PRDM13: variants seen among roughly 807,000 people sequenced by gnomAD.
The protein encoded by PRDM13 is PR/SET domain 13, also known as PR domain zinc finger protein 13.
PRDM13 carries 15 observed loss-of-function variants against 36.4 expected under a neutral mutation model. That is an observed-to-expected ratio of 0.41 (90% CI 0.28 to 0.64). The LOEUF (loss-of-function observed/expected upper bound fraction) is 0.64. Among genes scored for constraint, PRDM13 ranks in the 30% least tolerant of loss-of-function variants. The pLI, the probability that PRDM13 is intolerant of heterozygous loss-of-function variation, is 0.29. For missense variants in PRDM13, 1,044 were observed against 1,013.5 expected (o/e 1.03, Z -0.41); for synonymous variants, 531 against 467.7 (o/e 1.14, Z -1.75).
rs1255979044 is a variant in PRDM13, at chr6:99,614,152, C to T, written c.1517C>T (p.Ala506Val). 2.5e-6 allele frequency: 4 copies of T among 1,600,510 alleles called. No homozygotes were observed. In the African/African-American group the frequency reaches 4.0e-5, roughly 16 times the overall value. Residue 506 changes from alanine to valine, a missense_variant, in exon 4 of 4, where the codon GCC becomes GTC. By Grantham distance (64) the Ala-to-Val change is moderately conservative. This residue lies in a region of PRDM13 where 921 missense variants were observed against 865.2 expected (regional missense o/e 1.06). Transcript: ENST00000369215. ...ISYFSGPAAA[A>V]LSPAELGSLA... is the part of the protein sequence containing the mutation. The stretch of plus-strand genomic sequence containing the variant: ...TACTTCAGCGGGCCTGCAGCGGCCG[C>T]CCTAAGCCCCGCCGAGCTGGGGTCG...
rs1384823796 is a variant in PRDM13, at chr6:99,614,633, G to C, written c.1998G>C (p.Pro666=). 3.1e-6 allele frequency: 5 copies of C among 1,612,322 alleles called. No individual in the cohort carries two copies. Among genetic ancestry groups the C allele is most frequent in the Non-Finnish European group, 4.2e-6 (5 of 1,179,820 alleles). The change falls in exon 4 of 4, where the codon CCG becomes CCC. Residue 666 remains proline (P), a synonymous_variant. Transcript: ENST00000369215. The part of the protein sequence containing the change: ...QSLLAKAGDG[P]GAEPGYPPEP... The stretch of plus-strand genomic sequence containing the variant: ...TGCTCGCCAAAGCGGGCGACGGCCC[G>C]GGTGCCGAGCCCGGCTATCCCCCGG...
chr6:99,613,185 G>A lies in PRDM13; in HGVS notation c.550G>A (p.Ala184Thr), dbSNP rs752718064. 3 of 1,612,582 alleles carry A rather than the reference G, an allele frequency of 1.9e-6. No homozygotes were observed. Among genetic ancestry groups the A allele is most frequent in the Non-Finnish European group, 2.5e-6 (3 of 1,179,794 alleles). ...CGCGGCTCGCCAAGGCGCCGTCCCA[G>A]CGGCTGATGGCCTCGGTCTCTCCCC... ...EHAARQGAVP[A>T]ADGLGLSPKP... The change falls in exon 4 of 4, where the codon GCG (alanine) becomes ACG (threonine). Residue 184 changes from alanine to threonine, a missense_variant. This residue lies in a region of PRDM13 where 921 missense variants were observed against 865.2 expected (regional missense o/e 1.06). Coordinates refer to ENST00000369215, the MANE Select transcript of PRDM13 (RefSeq NM_021620.4). This position sits in a 1 kb window ranked among gnomAD's most constrained non-coding sequence, Gnocchi z 6.1.
chr6:99,613,410 C>T lies in PRDM13; in HGVS notation c.775C>T (p.Leu259=), dbSNP rs867523722. Residue 259 remains leucine (L), a synonymous_variant, in exon 4 of 4, where the codon CTG becomes TTG. Coordinates refer to ENST00000369215, the MANE Select transcript of PRDM13 (RefSeq NM_021620.4). This position sits in a 1 kb window ranked among gnomAD's most constrained non-coding sequence, Gnocchi z 6.1. ...KKGKEQLDRA[L]DMSGAARGQG... ...GGGCAAGGAGCAGCTGGACCGTGCC[C>T]TGGACATGAGCGGAGCCGCCCGAGG... 2 of 1,557,650 alleles carry T rather than the reference C, an allele frequency of 1.3e-6. No homozygotes were observed. Among genetic ancestry groups the T allele is most frequent in the African/African-American group, 2.7e-5 (2 of 73,704 alleles).
intron 3 of PRDM13, among the ~76,000 whole-genome samples, 169 bp downstream of exon 3, chr6:99,609,476 A>G (rs576128282): frequency 3.3e-5 from 5 of 152,322 alleles, no homozygotes; most frequent in African/African-American, 7.2e-5. Context: ...ACCATAAACG[A>G]TAACAGTGAT....
Position 99,613,569 on chromosome 6 carries a change from T to C in PRDM13, c.934T>C (p.Tyr312His), listed in dbSNP as rs779833157. 370 of 1,505,774 alleles carry C rather than the reference T, an allele frequency of 2.5e-4. No homozygotes were observed. The highest frequency in any genetic ancestry group is 9.1e-4 in the Admixed American group (42 of 46,350). The allele number at this position is 1,505,774 out of a possible 1,614,324, so 93.3% of individuals were successfully genotyped here. ...GGCGGCGGCCGCTCACGGCGACCCC[T>C]ACCGGGAGGAGAGCAGCAGCAAGCA... ...RAAAAAHGDP[Y>H]REESSSKQGA... Residue 312 changes from tyrosine (Y) to histidine (H), a missense_variant, in exon 4 of 4, where the codon TAC (tyrosine) becomes CAC (histidine). By Grantham distance (83) the Tyr-to-His change is moderately conservative. Coordinates refer to ENST00000369215, the MANE Select transcript of PRDM13 (RefSeq NM_021620.4). This position sits in a 1 kb window ranked among gnomAD's most constrained non-coding sequence, Gnocchi z 6.1.
Position 99,613,959 on chromosome 6 carries a change from G to C in PRDM13, c.1324G>C (p.Gly442Arg), listed in dbSNP as rs763469428. The C allele has an allele frequency of 6.3e-7, 1 of 1,594,622 alleles. No individual in the cohort carries two copies. Among genetic ancestry groups the C allele is most frequent in the Non-Finnish European group, 8.5e-7 (1 of 1,173,714 alleles). ...ERCALPPLDP[G>R]GLKAYPGGEC... ...CTGCGCGCTGCCGCCCCTCGACCCG[G>C]GCGGTCTCAAAGCCTATCCGGGTGG... Residue 442 changes from glycine (G) to arginine (R), a missense_variant, in exon 4 of 4, where the codon GGC (glycine) becomes CGC (arginine). Transcript: ENST00000369215. The surrounding 1 kb of genome is among the most constrained non-coding windows in gnomAD (Gnocchi z 6.1).
In PRDM13 at chr6:99,614,993, A is replaced by G. The variant is rs1770110455; in HGVS notation, c.*234A>G. The G allele has an allele frequency of 5.1e-6, 3 of 590,032 alleles. No individual in the cohort carries two copies. The highest frequency in any genetic ancestry group is 2.9e-6 in the Non-Finnish European group (1 of 348,092). 36.5% of individuals were successfully genotyped at this position (590,032 alleles called of 1,614,324 possible). ...CCTGGAGAGCTCGAGTGCCACCAGT[A>G]CCTCCGCACCCCGGGCCTCTGGACT... On this transcript the variant is annotated 3_prime_UTR_variant, in exon 4 of 4. Coordinates refer to ENST00000369215, the MANE Select transcript of PRDM13 (RefSeq NM_021620.4).
chr6:99,608,901 C>G lies in PRDM13; in HGVS notation c.276+29C>G, dbSNP rs201951060. 646 of 1,596,400 alleles carry G rather than the reference C, an allele frequency of 4.0e-4. 2 individuals are homozygous for G. The African/African-American group carries it at 7.9e-3, about 19-fold the overall frequency. Reference sequence around the variant, plus strand: ...CTGCGGGCTTCTCTCCACACCCCCCCACTCCCCACCGCCAATTCAGTCTAC... The same window carrying G: ...CTGCGGGCTTCTCTCCACACCCCCCGACTCCCCACCGCCAATTCAGTCTAC... On this transcript the variant is annotated intron_variant, in intron 2 of 3. Transcript: ENST00000369215.
At chr6:99,612,979 A>G (rs1264160103) in intron 3 of PRDM13, 54 bp from the exon 4 acceptor site, 6 of 1,598,548 alleles carry the variant, frequency 3.8e-6, no homozygotes, top group African/African-American at 1.3e-5. Context: ...CGCTTTCTTT[A>G]TGTCTCGCTT....
rs147014053 is a variant in PRDM13, at chr6:99,614,941, A to G, written c.*182A>G. ...ATCTGGTGCTGAAACTCAGAGCAAC[A>G]GTTCAGAGGTGGCGTAAATCTGGCC... On this transcript the variant is annotated 3_prime_UTR_variant, in exon 4 of 4. Coordinates refer to ENST00000369215, the MANE Select transcript of PRDM13 (RefSeq NM_021620.4). 1.0e-3 allele frequency: 894 copies of G among 854,680 alleles called. 6 individuals are homozygous for G. The African/African-American group carries it at 0.014, about 13-fold the overall frequency. The allele number at this position is 854,680 out of a possible 1,614,324, so 52.9% of individuals were successfully genotyped here.
Position 99,613,453 on chromosome 6 carries a change from G to A in PRDM13, c.818G>A (p.Gly273Asp). 6.5e-7 allele frequency: 1 copy of A among 1,537,868 alleles called. No homozygotes were observed. The highest frequency in any genetic ancestry group is 1.9e-5 in the Admixed American group (1 of 51,996). ...GCCCGAGGACAAGGGCACTTCCTCG[G>A]CATCGTGGGCGGCTCCTCGGCGGGG... ...GAARGQGHFLGIVGGSSAGVG... is the reference protein window; with the variant it reads ...GAARGQGHFLDIVGGSSAGVG... The change falls in exon 4 of 4, where the codon GGC (glycine) becomes GAC (aspartate). Residue 273 changes from glycine to aspartate, a missense_variant. Coordinates refer to ENST00000369215, the MANE Select transcript of PRDM13 (RefSeq NM_021620.4). This position sits in a 1 kb window ranked among gnomAD's most constrained non-coding sequence, Gnocchi z 6.1.
chr6:99,613,147 T>A lies in PRDM13; in HGVS notation c.512T>A (p.Leu171Gln). ...VFSGGGGGAFLHHEHAARQGA... is the reference protein window; with the variant it reads ...VFSGGGGGAFQHHEHAARQGA... The stretch of plus-strand genomic sequence containing the variant: ...AGCGGCGGTGGAGGCGGCGCCTTCC[T>A]GCACCACGAACACGCGGCTCGCCAA... Residue 171 changes from leucine (L) to glutamine (Q), a missense_variant, in exon 4 of 4, where the codon CTG becomes CAG. Coordinates refer to ENST00000369215, the MANE Select transcript of PRDM13 (RefSeq NM_021620.4). The surrounding 1 kb of genome is among the most constrained non-coding windows in gnomAD (Gnocchi z 6.1). 6.2e-7 allele frequency: 1 copy of A among 1,613,146 alleles called. No individual in the cohort carries two copies. The highest frequency in any genetic ancestry group is 8.5e-7 in the Non-Finnish European group (1 of 1,179,960).
At chr6:99,608,157 G>A (rs1269974522) in intron 1 of PRDM13, among the ~76,000 whole-genome samples, 1 of 152,166 alleles carries the variant, frequency 6.6e-6, no homozygotes, top group Non-Finnish European at 1.5e-5. Context: ...AGCGGGGTTT[G>A]GTGCCCACCG....
chr6:99,615,135 A>C lies in PRDM13; in HGVS notation c.*376A>C. ...CAGATTTTAACTGCCACGTATTTTT[A>C]AGTTGTACTTTTCTGTGGAGGAAAT... On this transcript the variant is annotated 3_prime_UTR_variant, in exon 4 of 4. Transcript: ENST00000369215. 3.9e-6 allele frequency: 1 copy of C among 253,232 alleles called. No individual in the cohort carries two copies. Among genetic ancestry groups the C allele is most frequent in the Non-Finnish European group, 7.5e-6 (1 of 132,568 alleles). The allele number at this position is 253,232 out of a possible 1,614,324, so 15.7% of individuals were successfully genotyped here.
Position 99,608,756 on chromosome 6 carries a change from G to A in PRDM13, c.160G>A (p.Gly54Arg), listed in dbSNP as rs1371312288. The A allele has an allele frequency of 1.2e-6, 2 of 1,610,412 alleles. No individual in the cohort carries two copies. The highest frequency in any genetic ancestry group is 1.7e-5 in the Admixed American group (1 of 59,420). ...GPKKKVRMVR[G>R]ELVDESGGSP... ...TGTGTTGCAGGTGCGCATGGTGAGA[G>A]GGGAGCTGGTGGACGAGTCGGGGGG... The change falls in exon 2 of 4, where the codon GGG becomes AGG. Residue 54 changes from glycine to arginine, a missense_variant. By Grantham distance (125) the Gly-to-Arg change is moderately radical (BLOSUM62 -2). Around this residue, in one of 3 missense-constraint regions of PRDM13, gnomAD observed 921 missense variants for 865.2 expected, o/e 1.06. Transcript: ENST00000369215.
chr6:99,608,342 G>A (rs933816739), intron 1 of PRDM13, among the ~76,000 whole-genome samples: 1 of 152,160 alleles, frequency 6.6e-6, no homozygotes, highest in Non-Finnish European at 1.5e-5. Flanking sequence ...GTTTGTCGGG[G>A]GTACGCTCTG....
chr6:99,611,425 TTC>T (rs1272299580), intron 3 of PRDM13, among the ~76,000 whole-genome samples: 1 of 152,172 alleles, frequency 6.6e-6, no homozygotes, highest in Non-Finnish European at 1.5e-5. Context: ...AGGAGGTCTA[TTC>T]TCTCTTTTTT....
At position 99,614,783 on chromosome 6, in the gene PRDM13, G is replaced by T. The variant is rs1246947650; in HGVS notation, c.*24G>T. 6.5e-7 allele frequency: 1 copy of T among 1,546,466 alleles called. No homozygotes were observed. Among genetic ancestry groups the T allele is most frequent in the Non-Finnish European group, 8.7e-7 (1 of 1,149,234 alleles). The stretch of plus-strand genomic sequence containing the variant: ...AACGAGTCTTCCCGGGAAGGGGCGG[G>T]GTGAGGACAGAGAGGAGTCGAGGGT... On this transcript the variant is annotated 3_prime_UTR_variant, in exon 4 of 4. Transcript: ENST00000369215.
chr6:99,607,149 G>C lies in PRDM13; in HGVS notation c.115G>C (p.Asp39His). The change falls in exon 1 of 4, where the codon GAC (aspartate) becomes CAC (histidine). Residue 39 changes from aspartate to histidine, a missense_variant. Coordinates refer to ENST00000369215, the MANE Select transcript of PRDM13 (RefSeq NM_021620.4). The part of the protein sequence containing the change: ...GTFKLGKYLS[D>H]RREPGPKKKV... ...CTTCAAGCTGGGCAAGTACCTGTCA[G>C]ACCGCAGGGAGCCCGGGCCTAAGAA... 6.2e-7 allele frequency: 1 copy of C among 1,613,912 alleles called. No individual in the cohort carries two copies. The highest frequency in any genetic ancestry group is 8.5e-7 in the Non-Finnish European group (1 of 1,179,996).
Sources: allele counts gnomAD v4.1 joint callset (sites outside exome capture counted in the v4.1 genomes callset), GRCh38; gene constraint gnomAD v4.1.1; regional missense constraint gnomAD v4.1.1; non-coding constraint Gnocchi (gnomAD v3.1); transcripts MANE v1.5; gene names NCBI Gene and HGNC (gene_info 2026-07-23, HGNC 2026-07-21).